The following ARMC2 variants were observed in gnomAD, a reference collection of about 807,000 sequenced individuals.
The protein encoded by ARMC2 is armadillo repeat-containing protein 2.
In ARMC2, 67 loss-of-function variants were observed where a neutral mutation model predicts 90.3. The ratio of observed to expected loss-of-function variants is 0.74; its 90% CI spans 0.61 to 0.91. The LOEUF (loss-of-function observed/expected upper bound fraction) is 0.91, where lower values mean the gene tolerates loss of function less well. Ranked by LOEUF, ARMC2 falls within the 40% of genes least tolerant of loss-of-function variation. ARMC2 has a pLI of 0.00. For synonymous variants in ARMC2, 393 were observed against 393.0 expected (o/e 1.00, Z 0.00); for missense variants, 920 against 1,030.9 (o/e 0.89, Z 1.47).
In ARMC2 at chr6:108,854,226, G is replaced by A. The variant is rs201876431; in HGVS notation, c.-42G>A. 4 of 1,441,900 alleles carry A rather than the reference G, an allele frequency of 2.8e-6. No homozygotes were observed. The East Asian group carries it at 7.3e-5, about 26-fold the overall frequency. The allele number at this position is 1,441,900 out of a possible 1,614,324, so 89.3% of individuals were successfully genotyped here. A position where few individuals can be genotyped will look rare whatever the true frequency, so the allele number is the denominator to read the frequency against. ...GGTTTTTGTACCATGTATTTGCAGGGTGTGGTGTCTATCTGAAGAATATTT... is the reference window on the plus strand; with the variant it reads ...GGTTTTTGTACCATGTATTTGCAGGATGTGGTGTCTATCTGAAGAATATTT... On this transcript the variant is annotated splice_region_variant and 5_prime_UTR_variant, in exon 2 of 18. It adds an upstream start codon to the 5' untranslated region. Coordinates refer to ENST00000392644, the MANE Select transcript of ARMC2 (RefSeq NM_032131.6).
At chr6:108,876,043 T>G (rs894827411) in intron 4 of ARMC2, 100 bp from the exon 5 acceptor site, 5 of 1,104,670 alleles carry the variant, frequency 4.5e-6, no homozygotes, top group Non-Finnish European at 6.5e-6. Flanking sequence ...ATGTATAACT[T>G]TTAAATCATA....
At chr6:109,041,467 T>C in the ARMC2 span, among the ~76,000 whole-genome samples, 2 of 152,070 alleles carry the variant, frequency 1.3e-5, no homozygotes, top group African/African-American at 2.4e-5. Context: ...AAAGGAGGGA[T>C]TTTGAGGACA....
chr6:108,937,944 C>A (rs1776094792), intron 12 of ARMC2, among the ~76,000 whole-genome samples: 1 of 152,142 alleles, frequency 6.6e-6, no homozygotes, highest in African/African-American at 2.4e-5. Context: ...GATCCGCCCA[C>A]CTTGGCCTCC....
chr6:108,990,861 T>C, the ARMC2 span: 1 of 1,589,630 alleles, frequency 6.3e-7, no homozygotes, highest in Admixed American at 1.7e-5. Flanking sequence ...AGAACAAATG[T>C]GAATAAATGT....
the ARMC2 span, among the ~76,000 whole-genome samples, chr6:109,043,927 C>G: frequency 6.6e-6 from 1 of 152,112 alleles, no homozygotes; most frequent in Non-Finnish European, 1.5e-5. Context: ...ATAATTAATA[C>G]AGCATGATAT....
the ARMC2 span, chr6:108,987,521 T>C: frequency 1.5e-6 from 2 of 1,363,900 alleles, no homozygotes; most frequent in Non-Finnish European, 2.1e-6. Flanking sequence ...CATTCCAGAA[T>C]CATCTTTAAT....
intron 12 of ARMC2, among the ~76,000 whole-genome samples, chr6:108,942,503 C>G (rs542606788): frequency 6.6e-6 from 1 of 152,104 alleles, no homozygotes; most frequent in Admixed American, 6.5e-5. Context: ...GACACTTTGC[C>G]GCAACTGGGA....
intron 11 of ARMC2, among the ~76,000 whole-genome samples, chr6:108,930,252 A>G (rs866489151): frequency 2.6e-5 from 4 of 152,168 alleles, no homozygotes; most frequent in Non-Finnish European, 5.9e-5. Flanking sequence ...TGTCTCCTAC[A>G]GGAAGGATAT....
rs780014811 is a variant in ARMC2, at chr6:108,928,174, G to A, written c.1437G>A (p.Thr479=). Residue 479 remains threonine (T), a synonymous_variant, in exon 11 of 18, where the codon ACG becomes ACA. Transcript: ENST00000392644. The part of the protein sequence containing the change: ...LNISALPQLC[T]AMEQYKGDKD... ...TCAGTGCCCTTCCCCAGCTCTGCAC[G>A]GCAATGGAACAGTACAAGGGTGACA... The A allele has an allele frequency of 1.2e-5, 20 of 1,612,676 alleles. No individual in the cohort carries two copies. The highest frequency in any genetic ancestry group is 1.1e-4 in the South Asian group (10 of 90,874).
At position 108,918,131 on chromosome 6, in the gene ARMC2, A is replaced by T. The variant is rs144558208; in HGVS notation, c.1350+5573A>T. Among the ~76,000 whole-genome samples the T allele has an allele frequency of 1.5e-3, 226 of 152,294 alleles. 2 individuals carry two copies. The highest frequency in any genetic ancestry group is 5.3e-3 in the African/African-American group (219 of 41,570). ...ATTTGATGGTTGAAGGCAGAAAGAC[A>T]ATGAAATTACCCAAGGAGAGAGTAG... On this transcript the variant is annotated intron_variant, in intron 10 of 17. Coordinates refer to ENST00000392644, the MANE Select transcript of ARMC2 (RefSeq NM_032131.6).
chr6:108,896,704 A>G (rs1270622394), intron 6 of ARMC2, among the ~76,000 whole-genome samples: 2 of 152,176 alleles, frequency 1.3e-5, no homozygotes, highest in African/African-American at 4.8e-5. Flanking sequence ...CACCCCTATA[A>G]TTCAGCTCTT....
At chr6:108,857,280 A>C (rs547462518) in intron 2 of ARMC2, among the ~76,000 whole-genome samples, 1 of 152,236 alleles carries the variant, frequency 6.6e-6, no homozygotes, top group Non-Finnish European at 1.5e-5. Flanking sequence ...GATTTTATCC[A>C]TATCTTGTTA....
At position 108,971,490 on chromosome 6, in the gene ARMC2, T is replaced by C. The variant is rs1778761796; in HGVS notation, c.2447-1867T>C. 2.6e-5 allele frequency among the ~76,000 whole-genome samples: 4 copies of C among 152,202 alleles called. No homozygotes were observed. In the South Asian group the frequency reaches 8.3e-4, roughly 32 times the overall value. The stretch of plus-strand genomic sequence containing the variant: ...TACAAACTGGGATTCCAGACTCCCT[T>C]ATCTTATTTTGGGTGGTGACACTAA... On this transcript the variant is annotated intron_variant, in intron 17 of 17. Coordinates refer to ENST00000392644, the MANE Select transcript of ARMC2 (RefSeq NM_032131.6).
At chr6:109,015,045 A>G in the ARMC2 span, among the ~76,000 whole-genome samples, 1 of 152,184 alleles carries the variant, frequency 6.6e-6, no homozygotes, top group Non-Finnish European at 1.5e-5. Context: ...TATGTATCGA[A>G]TGAACTCTGA....
chr6:109,046,346 A>G, the ARMC2 span, among the ~76,000 whole-genome samples: 1 of 151,712 alleles, frequency 6.6e-6, no homozygotes, highest in Non-Finnish European at 1.5e-5. Context: ...TGGCCTCCCG[A>G]GGTGCCGGGA....
chr6:108,901,093 A>G (rs1228443480), intron 7 of ARMC2, among the ~76,000 whole-genome samples: 1 of 140,446 alleles, frequency 7.1e-6, no homozygotes. Context: ...TACAGGAAAG[A>G]AGGAATTTTT....
chr6:109,027,528 T>C, the ARMC2 span, among the ~76,000 whole-genome samples: 4 of 149,674 alleles, frequency 2.7e-5, no homozygotes, highest in Non-Finnish European at 4.4e-5. Flanking sequence ...ATGCTCAGCA[T>C]TGTCAATTTA....
intron 17 of ARMC2, among the ~76,000 whole-genome samples, chr6:108,971,908 G>A (rs1046288632): frequency 6.1e-5 from 9 of 146,828 alleles, no homozygotes; most frequent in African/African-American, 1.8e-4. Flanking sequence ...GTGACACAGC[G>A]AGAGTCCATC....
chr6:108,942,102 A>G (rs995043539), intron 12 of ARMC2, among the ~76,000 whole-genome samples: 5 of 152,194 alleles, frequency 3.3e-5, no homozygotes, highest in Non-Finnish European at 1.5e-5. Context: ...CAGCTGCCCT[A>G]TCCACTACTG....
Sources: gnomAD v4.1 joint callset for allele counts (sites outside exome capture counted in the v4.1 genomes callset) on GRCh38, gnomAD v4.1.1 for gene constraint, MANE v1.5 for transcripts, NCBI Gene and HGNC (gene_info 2026-07-23, HGNC 2026-07-21) for gene names.